Variants in ASPHD1 observed in about 807,000 individuals in gnomAD.
The protein encoded by ASPHD1 is aspartate beta-hydroxylase domain containing 1, also known as aspartate beta-hydroxylase domain-containing protein 1.
ASPHD1 carries 20 observed loss-of-function variants against 28.3 expected under a neutral mutation model. The ratio of observed to expected loss-of-function variants is 0.71; its 90% confidence interval spans 0.50 to 1.03. The LOEUF (loss-of-function observed/expected upper bound fraction) is 1.03. Ranked by LOEUF, ASPHD1 falls within the 50% of genes least tolerant of loss-of-function variation. ASPHD1 has a pLI of 0.00. For synonymous variants in ASPHD1, 240 were observed against 221.2 expected, an observed-to-expected ratio of 1.08 and a Z score of -0.75; for missense variants, 479 against 524.1, an observed-to-expected ratio of 0.91 and a Z score of 0.84.
At chr16:29,907,179 G>T (rs565806505), downstream of ASPHD1, 154 of 1,096,462 alleles carry the variant, frequency 1.4e-4, no homozygotes, top group African/African-American at 2.2e-3. Flanking sequence ...CCTGCCTAGG[G>T]CCCCTGCACC....
At chr16:29,905,690 C>T in intron 2 of ASPHD1, 98 bp from the exon 3 acceptor site, 1 of 692,556 alleles carries the variant, frequency 1.4e-6, no homozygotes, top group Non-Finnish European at 2.5e-6. Context: ...CAAGGCCTGC[C>T]ACTTATTTAC....
downstream of ASPHD1, chr16:29,911,003 T>C: frequency 6.2e-7 from 1 of 1,614,036 alleles, no homozygotes; most frequent in Non-Finnish European, 8.5e-7. Context: ...CTCCGTAGCA[T>C]AGACAATGGA....
rs143690237 is a variant in ASPHD1 at position 29,901,461 on chromosome 16, A to C, written c.490A>C (p.Arg164=). ...ARRYSWAGMG[R]VRRAAQGGPG... is the part of the protein sequence containing the mutation. ...GCGCTACTCCTGGGCTGGGATGGGT[A>C]GAGTGAGGCGGGCAGCTCAGGGTGG... The change falls in exon 1 of 3, where the codon AGA becomes CGA. Residue 164 remains arginine (R), a synonymous_variant. Transcript: ENST00000308748. The surrounding 1 kb of genome is among the most constrained non-coding windows in gnomAD (Gnocchi z 5.1). 6.3e-7 allele frequency: 1 copy of C among 1,598,542 alleles called. No individual in the cohort carries two copies. Among genetic ancestry groups the C allele is most frequent in the African/African-American group, 1.3e-5 (1 of 74,086 alleles).
chr16:29,904,755 G>A (rs1407339925), intron 1 of ASPHD1, 97 bp from the exon 2 acceptor site: 23 of 695,338 alleles, frequency 3.3e-5, no homozygotes, highest in Non-Finnish European at 5.4e-5. Context: ...ACAAAACCTG[G>A]CATTTAAGAC....
chr16:29,910,487 G>A (rs1033308205), downstream of ASPHD1, among the ~76,000 whole-genome samples: 3 of 152,002 alleles, frequency 2.0e-5, no homozygotes, highest in African/African-American at 7.3e-5. Flanking sequence ...GATTACAGGT[G>A]CATGCCATCA....
At chr16:29,907,991 A>C (rs561671061), downstream of ASPHD1, among the ~76,000 whole-genome samples, 2 of 151,264 alleles carry the variant, frequency 1.3e-5, no homozygotes, top group Non-Finnish European at 2.9e-5. Context: ...AAAAAAAAAA[A>C]AGAGAGAGAG....
downstream of ASPHD1, chr16:29,906,144 CTT>C (rs2068608556): frequency 3.7e-6 from 1 of 267,516 alleles, no homozygotes; most frequent in African/African-American, 2.3e-5. Context: ...CCTTTTTTTT[CTT>C]TCTTTTTTTT....
chr16:29,911,733 G>A, intron 3 of ASPHD1: 1 of 1,474,512 alleles, frequency 6.8e-7, no homozygotes, highest in South Asian at 1.1e-5. Flanking sequence ...CCCCCCGTGT[G>A]GCCGTGGCCC....
chr16:29,914,831 T>C (rs1051456312), intron 3 of ASPHD1: 6 of 152,144 alleles, frequency 3.9e-5, no homozygotes, highest in African/African-American at 1.4e-4. Context: ...GGATAACCAG[T>C]AAGGACATTC....
chr16:29,906,929 C>T, downstream of ASPHD1: 2 of 1,614,120 alleles, frequency 1.2e-6, no homozygotes, highest in Non-Finnish European at 1.7e-6. Flanking sequence ...TGATATGGCG[C>T]CGGACATGGA....
At chr16:29,902,045 T>A in intron 1 of ASPHD1, 125 bp downstream of exon 1, 2 of 713,314 alleles carry the variant, frequency 2.8e-6, no homozygotes, top group South Asian at 3.1e-5. Context: ...GGCTCCCTGT[T>A]GCCACCCACA....
Position 29,900,777 on chromosome 16 carries a change from G to A in ASPHD1, c.-195G>A, listed in dbSNP as rs1469280877. 8 of 615,900 alleles carry A rather than the reference G, an allele frequency of 1.3e-5. No homozygotes were observed. In the Admixed American group the frequency reaches 2.4e-4, roughly 18 times the overall value. 38.2% of individuals were successfully genotyped at this position (615,900 alleles called of 1,614,324 possible). On this transcript the variant is annotated 5_prime_UTR_variant, in exon 1 of 3. Coordinates refer to ENST00000308748, the MANE Select transcript of ASPHD1 (RefSeq NM_181718.4). The stretch of plus-strand genomic sequence containing the variant: ...CTGCCCAGGGGAGCTAGGAGGAAGC[G>A]GGGAGAGAGAGCGAGCGAAAAGCGG...
At chr16:29,906,779 G>A, downstream of ASPHD1, 2 of 1,120,224 alleles carry the variant, frequency 1.8e-6, no homozygotes, top group Non-Finnish European at 1.3e-6. Context: ...CCACGACTTG[G>A]CCAGCAGAGC....
rs2068551292 is a variant in ASPHD1, at chr16:29,901,689, G to A, written c.718G>A (p.Gly240Ser). ...DFSGTTPPPR[G>S]WSPPLAPGCY... ...CTCAGGGACTACCCCTCCGCCTCGGGGCTGGTCCCCACCTCTGGCCCCCGG... is the reference window on the plus strand; with the variant it reads ...CTCAGGGACTACCCCTCCGCCTCGGAGCTGGTCCCCACCTCTGGCCCCCGG... The change falls in exon 1 of 3, where the codon GGC (glycine) becomes AGC (serine). Residue 240 changes from glycine to serine, a missense_variant. Coordinates refer to ENST00000308748, the MANE Select transcript of ASPHD1 (RefSeq NM_181718.4). The surrounding 1 kb of genome is among the most constrained non-coding windows in gnomAD (Gnocchi z 5.1). The A allele has an allele frequency of 6.3e-7, 1 of 1,584,516 alleles. No individual in the cohort carries two copies. Among genetic ancestry groups the A allele is most frequent in the South Asian group, 1.1e-5 (1 of 87,516 alleles).
At chr16:29,909,183 C>A (rs190841097), downstream of ASPHD1, among the ~76,000 whole-genome samples, 74 of 152,226 alleles carry the variant, frequency 4.9e-4, no homozygotes, top group East Asian at 7.7e-3. Context: ...CTGATGCAAA[C>A]CCCCTCCCCT....
intron 1 of ASPHD1, among the ~76,000 whole-genome samples, chr16:29,903,373 A>G (rs941484404): frequency 7.2e-5 from 11 of 151,736 alleles, no homozygotes; most frequent in African/African-American, 2.7e-4. Context: ...AAGAAAAAAA[A>G]ATTGTGTAAA....
Position 29,901,619 on chromosome 16 carries a change from C to A in ASPHD1, c.648C>A (p.Ser216Arg), listed in dbSNP as rs377397877. ...QRHDVELLES[S>R]FPAILRDFGA... ...ACGACGTGGAGCTCCTGGAGAGCAG[C>A]TTCCCTGCCATTTTGCGGGACTTCG... The change falls in exon 1 of 3, where the codon AGC becomes AGA. Residue 216 changes from serine (S) to arginine (R), a missense_variant. Ser to Arg is a moderately radical substitution (Grantham distance 110). Coordinates refer to ENST00000308748, the MANE Select transcript of ASPHD1 (RefSeq NM_181718.4). This position sits in a 1 kb window ranked among gnomAD's most constrained non-coding sequence, Gnocchi z 5.1. The A allele has an allele frequency of 2.6e-6, 4 of 1,561,756 alleles. No individual in the cohort carries two copies. The African/African-American group carries it at 5.5e-5, about 21-fold the overall frequency.
chr16:29,900,403 T>A (rs2068522567), upstream of ASPHD1: 1 of 148,826 alleles, frequency 6.7e-6, no homozygotes, highest in African/African-American at 2.5e-5. Flanking sequence ...GCTGGCACCG[T>A]GGCCCCTGCG....
chr16:29,904,699 T>C (rs897018127), intron 1 of ASPHD1, among the ~76,000 whole-genome samples, 153 bp from the exon 2 acceptor site: 13 of 151,976 alleles, frequency 8.6e-5, no homozygotes, highest in Non-Finnish European at 1.3e-4. Flanking sequence ...CAGGACTGTA[T>C]TGTAATTATA....
Sources: gnomAD v4.1 joint callset for allele counts (sites outside exome capture counted in the v4.1 genomes callset) on GRCh38, gnomAD v4.1.1 for gene constraint, Gnocchi (gnomAD v3.1) non-coding constraint, MANE v1.5 for transcripts, NCBI Gene and HGNC (gene_info 2026-07-23, HGNC 2026-07-21) for gene names.